PID1: variants seen among roughly 807,000 people sequenced by gnomAD.
PID1 encodes the protein PTB-containing, cubilin and LRP1-interacting protein.
Under a neutral mutation model 19.1 loss-of-function variants are expected in PID1, and 10 were observed. The ratio of observed to expected loss-of-function variants is 0.52; its 90% CI spans 0.32 to 0.89. The LOEUF (loss-of-function observed/expected upper bound fraction) is 0.89, where lower values mean the gene tolerates loss of function less well. Ranked by LOEUF, PID1 falls within the 40% of genes least tolerant of loss-of-function variation. The pLI, the probability that PID1 is intolerant of heterozygous loss-of-function variation, is 0.03. For missense variants in PID1, 248 were observed against 285.3 expected (o/e 0.87, Z 0.94); for synonymous variants, 130 against 116.0 (o/e 1.12, Z -0.78).
chr2:229,123,819 C>T (rs1695571163), intron 2 of PID1, among the ~76,000 whole-genome samples: 1 of 152,134 alleles, frequency 6.6e-6, no homozygotes. Flanking sequence ...TGTTCTTGGG[C>T]AAAATGTCTT....
chr2:229,043,458 A>G (rs1693813523), intron 2 of PID1, among the ~76,000 whole-genome samples: 1 of 152,242 alleles, frequency 6.6e-6, no homozygotes, highest in Non-Finnish European at 1.5e-5. Context: ...AGAAAAAAAA[A>G]GAAGCTTTTC....
chr2:229,111,656 T>C (rs145733209), intron 2 of PID1, among the ~76,000 whole-genome samples: 2 of 152,138 alleles, frequency 1.3e-5, no homozygotes, highest in African/African-American at 2.4e-5. Flanking sequence ...AAATTGAATA[T>C]TCAGTGCCCC....
chr2:229,047,452 T>C (rs182157784), intron 2 of PID1, among the ~76,000 whole-genome samples: 38 of 152,282 alleles, frequency 2.5e-4, no homozygotes, highest in African/African-American at 8.7e-4. Flanking sequence ...AGTAATGATC[T>C]AATTAGAAAA....
At chr2:229,064,989 T>C (rs1169476744) in intron 2 of PID1, among the ~76,000 whole-genome samples, 1 of 151,978 alleles carries the variant, frequency 6.6e-6, no homozygotes, top group Non-Finnish European at 1.5e-5. Flanking sequence ...GAGCCTGGAG[T>C]AGCCTTTTAA....
At position 229,033,401 on chromosome 2, in the gene PID1, T is replaced by C. The variant is rs114752844; in HGVS notation, c.178-7293A>G. ...CCTTCTAGAGGTCTCTCTTGAGATA[T>C]AAAAGACTTTGCTGTGACTAACACA... On this transcript the variant is annotated intron_variant, in intron 2 of 2. Transcript: ENST00000392055. Among the ~76,000 whole-genome samples the C allele has an allele frequency of 5.0e-3, 758 of 152,232 alleles. 4 individuals are homozygous for C. The highest frequency in any genetic ancestry group is 7.4e-3 in the Non-Finnish European group (502 of 68,016).
chr2:229,243,379 C>T (rs1329687822), intron 1 of PID1, among the ~76,000 whole-genome samples: 1 of 152,060 alleles, frequency 6.6e-6, no homozygotes, highest in Non-Finnish European at 1.5e-5. Flanking sequence ...CAGGTTACAT[C>T]GTCTTCTTTG....
chr2:229,139,476 T>C (rs1366740236), intron 2 of PID1, among the ~76,000 whole-genome samples: 1 of 152,170 alleles, frequency 6.6e-6, no homozygotes, highest in Admixed American at 6.6e-5. Flanking sequence ...CTTAGCATCT[T>C]TATCCTCTAG....
chr2:229,099,830 A>G (rs901784521), intron 2 of PID1, among the ~76,000 whole-genome samples: 7 of 152,192 alleles, frequency 4.6e-5, no homozygotes, highest in Admixed American at 1.3e-4. Context: ...TTTCCCCTTT[A>G]TAGAAGTTTT....
At chr2:229,120,019 C>T (rs1445061127) in intron 2 of PID1, among the ~76,000 whole-genome samples, 6 of 152,208 alleles carry the variant, frequency 3.9e-5, no homozygotes, top group Admixed American at 2.0e-4. Flanking sequence ...CTACAAACTA[C>T]ACCACCAACT....
intron 2 of PID1, among the ~76,000 whole-genome samples, chr2:229,115,369 G>T (rs150218797): frequency 3.6e-5 from 5 of 137,368 alleles, no homozygotes; most frequent in Non-Finnish European, 7.6e-5. Flanking sequence ...GTCAGACATG[G>T]TGGCATGCAC....
chr2:229,158,963 G>T (rs899623036), intron 1 of PID1, among the ~76,000 whole-genome samples: 3 of 152,066 alleles, frequency 2.0e-5, no homozygotes, highest in Non-Finnish European at 4.4e-5. Context: ...GGAAGGCAGG[G>T]ATGGTTAATG....
At position 229,065,729 on chromosome 2, in the gene PID1, A is replaced by AAAAAAAAAAAAAAAAAAAG. The variant is rs765746020; in HGVS notation, c.178-39622_178-39621insCTTTTTTTTTTTTTTTTTT. Among the ~76,000 whole-genome samples, 407 of 140,560 alleles carry AAAAAAAAAAAAAAAAAAAG rather than the reference A, an allele frequency of 2.9e-3. 6 individuals are homozygous for AAAAAAAAAAAAAAAAAAAG. The highest frequency in any genetic ancestry group is 7.8e-3 in the East Asian group (36 of 4,616). 92.2% of individuals were successfully genotyped at this position (140,560 alleles called of 152,430 possible). A position where few individuals can be genotyped will look rare whatever the true frequency, so the allele number is the denominator to read the frequency against. ...GTGATTTACAAAAAAAAAAAAAAAAAAAACAGGTTGAAATTCAGAGATTTA... is the reference window on the plus strand; with the variant it reads ...GTGATTTACAAAAAAAAAAAAAAAAAAAAAAAAAAAAAAAAAAAGAAACAGGTTGAAATTCAGAGATTTA... On this transcript the variant is annotated intron_variant, in intron 2 of 2. Coordinates refer to ENST00000392055, the MANE Select transcript of PID1 (RefSeq NM_001100818.2).
At chr2:229,229,466 C>T (rs1692156470) in intron 1 of PID1, among the ~76,000 whole-genome samples, 1 of 106,346 alleles carries the variant, frequency 9.4e-6, no homozygotes, top group Non-Finnish European at 2.0e-5. Flanking sequence ...AACCGCATCT[C>T]TACAAAAAAA....
chr2:229,226,210 G>T (rs1390283813), intron 1 of PID1, among the ~76,000 whole-genome samples: 3 of 152,162 alleles, frequency 2.0e-5, no homozygotes, highest in Non-Finnish European at 4.4e-5. Context: ...TCATTGAGTA[G>T]TATGAGTCTG....
Position 229,025,953 on chromosome 2 carries a change from C to A in PID1, c.333G>T (p.Trp111Cys), listed in dbSNP as rs1350723339. ...CCCCTTTGTGGTCGAGATGATGGAG[C>A]CAAACTTGGAATGGCCGGATTTCCA... ...ALLEIRPFQV[W>C]LHHLDHKGEA... is the part of the protein sequence containing the mutation. The change falls in exon 3 of 3, where the codon TGG (tryptophan) becomes TGT (cysteine). Residue 111 changes from tryptophan (W) to cysteine (C), a missense_variant. By Grantham distance (215) the Trp-to-Cys change is radical (BLOSUM62 -2). Coordinates refer to ENST00000392055, the MANE Select transcript of PID1 (RefSeq NM_001100818.2). 6 of 1,614,032 alleles carry A rather than the reference C, an allele frequency of 3.7e-6. No homozygotes were observed. The highest frequency in any genetic ancestry group is 5.1e-6 in the Non-Finnish European group (6 of 1,180,014).
At position 229,137,189 on chromosome 2, in the gene PID1, G is replaced by A. The variant is rs561190584; in HGVS notation, c.177+18629C>T. Among the ~76,000 whole-genome samples, 5 of 152,300 alleles carry A rather than the reference G, an allele frequency of 3.3e-5. No individual in the cohort carries two copies. In the South Asian group the frequency reaches 8.3e-4, roughly 25 times the overall value. On this transcript the variant is annotated intron_variant, in intron 2 of 2. Coordinates refer to ENST00000392055, the MANE Select transcript of PID1 (RefSeq NM_001100818.2). ...ACCGCATTGAGGAATGCAGTTCTCT[G>A]ATTCCTCATAAATAGCTGCTCTGCT...
rs78822665 is a variant in PID1, at chr2:229,215,688, C to T, written c.30+55326G>A. ...TGACTCCAAAAACAAACAGTGTTAG[C>T]ATCTAATCGGGAATATGTTTTATCA... On this transcript the variant is annotated intron_variant, in intron 1 of 2. Transcript: ENST00000392055. 4.6e-5 allele frequency among the ~76,000 whole-genome samples: 7 copies of T among 152,072 alleles called. No individual in the cohort carries two copies. In the East Asian group the frequency reaches 1.4e-3, roughly 30 times the overall value.
intron 1 of PID1, among the ~76,000 whole-genome samples, chr2:229,252,894 G>A (rs1488493521): frequency 6.6e-6 from 1 of 152,192 alleles, no homozygotes; most frequent in East Asian, 1.9e-4. Context: ...GGAGGTGGGT[G>A]GGGAAGGGGG....
intron 2 of PID1, among the ~76,000 whole-genome samples, chr2:229,091,834 T>G (rs954450630): frequency 6.6e-6 from 1 of 152,222 alleles, no homozygotes; most frequent in Non-Finnish European, 1.5e-5. Flanking sequence ...ATGGTAACCC[T>G]TTGGCCAGAA....
Sources: gnomAD v4.1 joint callset for allele counts (sites outside exome capture counted in the v4.1 genomes callset) on GRCh38, gnomAD v4.1.1 for gene constraint, MANE v1.5 for transcripts, NCBI Gene and HGNC (gene_info 2026-07-23, HGNC 2026-07-21) for gene names.